Variants in GK observed in about 807,000 individuals in gnomAD.
GK encodes the protein ATP:glycerol 3-phosphotransferase.
In GK, 9 loss-of-function variants were observed where a neutral mutation model predicts 56.4. The ratio of observed to expected loss-of-function variants is 0.16; its 90% CI spans 0.10 to 0.28. The LOEUF is 0.28. GK is among the 10% of genes least tolerant of loss of function. The probability of loss-of-function intolerance (pLI) is 1.00; values close to 1 mark genes in which losing one functional copy is unlikely to be tolerated. For synonymous variants in GK, 104 were observed against 144.1 expected, an observed-to-expected ratio of 0.72 and a Z score of 1.99; for missense variants, 161 against 431.4, an observed-to-expected ratio of 0.37 and a Z score of 5.55.
At chrX:30,699,500 G>T (rs1259473482) in intron 9 of GK, among the ~76,000 whole-genome samples, 1 of 106,058 alleles carries the variant, frequency 9.4e-6, no homozygotes, top group Non-Finnish European at 1.9e-5. Flanking sequence ...GAGTAGCTGG[G>T]ATTACAGGTA....
intron 1 of GK, among the ~76,000 whole-genome samples, chrX:30,654,069 C>T (rs183925898): frequency 2.4e-3 from 265 of 112,477 alleles, no homozygotes; most frequent in African/African-American, 8.0e-3. Flanking sequence ...TCCTTTCCAG[C>T]AGTAGAACGA....
chrX:30,679,426 C>T (rs1476478684), intron 4 of GK, among the ~76,000 whole-genome samples: 4 of 110,417 alleles, frequency 3.6e-5, no homozygotes, highest in Admixed American at 9.7e-5. Flanking sequence ...CCATGTTGGC[C>T]GGACTGGTCT....
intron 4 of GK, chrX:30,689,710 G>A: frequency 3.9e-6 from 1 of 258,748 alleles, no homozygotes; most frequent in South Asian, 3.7e-5. Flanking sequence ...CTGGGGCCCA[G>A]ACCCATTCCT....
At chrX:30,669,183 GTT>G (rs138035890) in intron 3 of GK, among the ~76,000 whole-genome samples, 2 of 96,260 alleles carry the variant, frequency 2.1e-5, no homozygotes, top group Non-Finnish European at 2.1e-5. Context: ...AGTCCTAGTA[GTT>G]TTTTTTTTTT....
chrX:30,671,646 T>A (rs1003932019), intron 3 of GK: 2 of 112,262 alleles, frequency 1.8e-5, no homozygotes, highest in Non-Finnish European at 3.8e-5. Context: ...GTTATGCTTA[T>A]CTGACAGAAG....
chrX:30,689,337 G>A lies in GK; in HGVS notation c.338-1786G>A, dbSNP rs149532986. 1,072 of 268,002 alleles carry A rather than the reference G, an allele frequency of 4.0e-3. 7 individuals carry two copies. Among genetic ancestry groups the A allele is most frequent in the African/African-American group, 0.028 (998 of 35,697 alleles). 22.1% of individuals were successfully genotyped at this position (268,002 alleles called of 1,213,427 possible). Reference sequence around the variant, plus strand: ...AAAAGTAGACTGCCCTTGTTCCCTGGGCATGGGAGATCTTGCCACCTCCAT... The same window carrying A: ...AAAAGTAGACTGCCCTTGTTCCCTGAGCATGGGAGATCTTGCCACCTCCAT... On this transcript the variant is annotated intron_variant, in intron 4 of 20. Transcript: ENST00000427190.
At chrX:30,670,611 C>T (rs1010437686) in intron 3 of GK, among the ~76,000 whole-genome samples, 1 of 109,722 alleles carries the variant, frequency 9.1e-6, no homozygotes, top group Non-Finnish European at 1.9e-5. Flanking sequence ...TTTTTTTTTC[C>T]CAGAAAATTT....
chrX:30,656,145 T>G (rs1221110479), intron 1 of GK, among the ~76,000 whole-genome samples: 1 of 111,707 alleles, frequency 9.0e-6, no homozygotes, highest in Non-Finnish European at 1.9e-5. Flanking sequence ...GGAGAGAGAT[T>G]GCTAAACCAC....
At chrX:30,653,713 C>T in intron 1 of GK, 98 bp downstream of exon 1, 1 of 799,178 alleles carries the variant, frequency 1.3e-6, no homozygotes, top group Non-Finnish European at 1.9e-6. Context: ...TCTCTCCGGC[C>T]CGGTGCCCCG....
chrX:30,682,450 G>C (rs770244373), intron 4 of GK, among the ~76,000 whole-genome samples: 8 of 111,800 alleles, frequency 7.2e-5, no homozygotes, highest in Non-Finnish European at 1.3e-4. Flanking sequence ...AAGCTAGAAG[G>C]AGAAAGGGAA....
chrX:30,673,661 A>G (rs1437260744), intron 3 of GK, among the ~76,000 whole-genome samples: 1 of 111,885 alleles, frequency 8.9e-6, no homozygotes, highest in Non-Finnish European at 1.9e-5. Flanking sequence ...AAGGAATCCA[A>G]TTAAGATAGA....
intron 4 of GK, among the ~76,000 whole-genome samples, chrX:30,678,969 G>A (rs55987658): frequency 1.2e-3 from 130 of 107,434 alleles, no homozygotes; most frequent in Non-Finnish European, 2.3e-3. Context: ...CAAAGTGCTG[G>A]GATTACAGGT....
chrX:30,660,703 C>T lies in GK; in HGVS notation c.79-4808C>T, dbSNP rs1377687495. 5.4e-5 allele frequency among the ~76,000 whole-genome samples: 6 copies of T among 110,265 alleles called. 1 individual carries two copies. Among genetic ancestry groups the T allele is most frequent in the Non-Finnish European group, 7.6e-5 (4 of 52,849 alleles). The stretch of plus-strand genomic sequence containing the variant: ...GATGTGCCCCAGCTCTCTGTGCTTC[C>T]GGGGTCTGTGTGTGCTCTTTGCCTC... On this transcript the variant is annotated intron_variant, in intron 1 of 20. Transcript: ENST00000427190.
chrX:30,725,146 G>T (rs954517620), intron 19 of GK, among the ~76,000 whole-genome samples: 36 of 111,442 alleles, frequency 3.2e-4, no homozygotes, highest in Admixed American at 1.9e-4. Context: ...GCTTCCCAAA[G>T]TGCCAGGATT....
At chrX:30,674,176 C>A in intron 3 of GK, 1 of 291,842 alleles carries the variant, frequency 3.4e-6, no homozygotes, top group Non-Finnish European at 6.7e-6. Context: ...TTTTACAAGA[C>A]ACAAAACTGA....
intron 9 of GK, chrX:30,700,108 T>C (rs1187988078): frequency 4.5e-6 from 1 of 223,588 alleles, no homozygotes; most frequent in African/African-American, 2.8e-5. Flanking sequence ...AATAATGTGA[T>C]GTATTGAGAG....
At chrX:30,692,159 T>C (rs1464317091) in intron 5 of GK, among the ~76,000 whole-genome samples, 1 of 111,605 alleles carries the variant, frequency 9.0e-6, no homozygotes, top group Non-Finnish European at 1.9e-5. Context: ...AAAACTATTG[T>C]TGAAATCCCA....
At chrX:30,664,392 G>C (rs1319457789) in intron 1 of GK, among the ~76,000 whole-genome samples, 15 of 107,082 alleles carry the variant, frequency 1.4e-4, no homozygotes. Flanking sequence ...TAGAGACGGG[G>C]TTTCACCATG....
At chrX:30,687,491 C>G in intron 4 of GK, 1 of 341,698 alleles carries the variant, frequency 2.9e-6, no homozygotes, top group Non-Finnish European at 5.9e-6. Context: ...TGAACCTGGC[C>G]ATCTCTAGCG....
Sources: allele counts gnomAD v4.1 joint callset (sites outside exome capture counted in the v4.1 genomes callset), GRCh38; gene constraint gnomAD v4.1.1; transcripts MANE v1.5; gene names NCBI Gene and HGNC (gene_info 2026-07-23, HGNC 2026-07-21).